Variants in SRI observed in about 807,000 individuals in gnomAD.
The protein encoded by SRI is sorcin.
In SRI, 30 loss-of-function variants were observed where a neutral mutation model predicts 33.3. The observed-to-expected ratio is 0.90, with a 90% confidence interval of 0.67 to 1.22. SRI has a LOEUF of 1.22. Ranked by LOEUF, SRI falls within the 50% of genes most tolerant of loss-of-function variation. The pLI is 0.00. For missense variants in SRI, 243 were observed against 250.8 expected, an observed-to-expected ratio of 0.97 and a Z score of 0.21; for synonymous variants, 75 against 89.9, an observed-to-expected ratio of 0.83 and a Z score of 0.94.
At chr7:88,226,828 CT>C (rs1036055627) in intron 1 of SRI, 84 of 1,469,100 alleles carry the variant, frequency 5.7e-5, no homozygotes, top group Middle Eastern at 5.2e-4. Context: ...AGATTAGGAA[CT>C]TTCTTATTCC....
At chr7:88,226,453 G>A (rs1241854367) in intron 1 of SRI, among the ~76,000 whole-genome samples, 1 of 152,154 alleles carries the variant, frequency 6.6e-6, no homozygotes, top group African/African-American at 2.4e-5. Flanking sequence ...TGTGGAGAGA[G>A]GAGGGGAAGA....
chr7:88,210,232 GTTA>G, intron 4 of SRI, 102 bp from the exon 5 acceptor site: 1 of 1,303,982 alleles, frequency 7.7e-7, no homozygotes, highest in East Asian at 2.3e-5. Context: ...GGCTAAAAAA[GTTA>G]TTGTAGATTA....
rs141563047 is a variant in SRI at position 88,209,205 on chromosome 7, T to C, written c.511+134A>G. On this transcript the variant is annotated intron_variant, in intron 6 of 7. Coordinates refer to ENST00000265729, the MANE Select transcript of SRI (RefSeq NM_003130.4). Reference sequence around the variant, plus strand: ...AAAAAATTATTTTGCCAGATATGCTTAATAGTAATCTGAAAAAAACTACTA... The same window carrying C: ...AAAAAATTATTTTGCCAGATATGCTCAATAGTAATCTGAAAAAAACTACTA... The C allele has an allele frequency of 6.6e-4, 441 of 671,970 alleles. 3 individuals carry two copies. In the African/African-American group the frequency reaches 7.4e-3, roughly 11 times the overall value. 41.6% of individuals were successfully genotyped at this position (671,970 alleles called of 1,614,324 possible).
chr7:88,218,808 A>G (rs373435348), intron 2 of SRI, 51 bp downstream of exon 2: 313 of 1,567,334 alleles, frequency 2.0e-4, no homozygotes, highest in Non-Finnish European at 2.4e-4. Flanking sequence ...ATCAAAAGCT[A>G]CCACAAATGC....
At chr7:88,214,731 GA>G (rs1851665424) in intron 3 of SRI, 1 of 527,902 alleles carries the variant, frequency 1.9e-6, no homozygotes, top group African/African-American at 2.1e-5. Context: ...TCAACATTTT[GA>G]AATTATTTAA....
At position 88,210,013 on chromosome 7, in the gene SRI, G is replaced by C; in HGVS notation, c.367C>G (p.Gln123Glu). 1 of 1,614,138 alleles carries C rather than the reference G, an allele frequency of 6.2e-7. No individual in the cohort carries two copies. Among genetic ancestry groups the C allele is most frequent in the African/African-American group, 1.3e-5 (1 of 75,030 alleles). The change falls in exon 5 of 8, where the codon CAA becomes GAA. Residue 123 changes from glutamine (Q) to glutamate (E), a missense_variant. Transcript: ENST00000265729. The stretch of plus-strand genomic sequence containing the variant: ...GTTGTCAGGGCCTTCTGCAATTCTT[G>C]TGGGTCTACTGTTCCACTCCTGTCA... ...DTDRSGTVDP[Q>E]ELQKALTTMG...
chr7:88,216,576 G>A (rs1851722008), intron 3 of SRI: 1 of 155,800 alleles, frequency 6.4e-6, no homozygotes, highest in Admixed American at 6.4e-5. Flanking sequence ...CACCAGGTCA[G>A]GGCAGAGTAG....
chr7:88,219,329 C>A (rs1188376514), intron 1 of SRI: 2 of 294,026 alleles, frequency 6.8e-6, no homozygotes, highest in Non-Finnish European at 1.3e-5. Context: ...CGATGGAAGG[C>A]TGGAGTTGGT....
chr7:88,209,949 C>T (rs1324988656), intron 5 of SRI, 34 bp downstream of exon 5: 1 of 1,613,684 alleles, frequency 6.2e-7, no homozygotes, highest in Admixed American at 1.7e-5. Context: ...TTACTTCTAC[C>T]AATGAATGGA....
intron 3 of SRI, among the ~76,000 whole-genome samples, chr7:88,212,783 G>A (rs1026178148): frequency 2.0e-5 from 3 of 152,206 alleles, no homozygotes; most frequent in African/African-American, 7.2e-5. Flanking sequence ...AAACCTGTTA[G>A]AGGTGAAATT....
rs1038574723 is a variant in SRI, at chr7:88,218,914, A to G, written c.80T>C (p.Phe27Ser). The G allele has an allele frequency of 3.1e-6, 5 of 1,613,982 alleles. No homozygotes were observed. The Admixed American group carries it at 8.3e-5, about 27-fold the overall frequency. The change falls in exon 2 of 8, where the codon TTT (phenylalanine) becomes TCT (serine). Residue 27 changes from phenylalanine (F) to serine (S), a missense_variant. Physicochemically the swap from Phe to Ser is radical, Grantham distance 155. Transcript: ENST00000265729. ...CAGCGGATCCTGAGTTTGTCCGGGA[A>G]ACGCAGGCCCTCCGGGAGCCCCTCC... ...GYGGAPGGPA[F>S]PGQTQDPLYG...
rs921976280 is a variant in SRI, at chr7:88,206,322, A to C, written c.*156T>G. The C allele has an allele frequency of 1.2e-6, 1 of 869,562 alleles. No homozygotes were observed. The highest frequency in any genetic ancestry group is 1.7e-5 in the African/African-American group (1 of 59,370). The allele number at this position is 869,562 out of a possible 1,614,324, so 53.9% of individuals were successfully genotyped here. A position where few individuals can be genotyped will look rare whatever the true frequency, so the allele number is the denominator to read the frequency against. ...CCAAAGAATTTATTATCAAAACTAA[A>C]ACAAAACTTCAGTTGTACATAAAGT... On this transcript the variant is annotated 3_prime_UTR_variant, in exon 8 of 8. Coordinates refer to ENST00000265729, the MANE Select transcript of SRI (RefSeq NM_003130.4).
At chr7:88,219,194 T>TA (rs36050528) in intron 1 of SRI, 9,262 of 491,452 alleles carry the variant, frequency 0.019, 129 homozygotes, top group South Asian at 0.027. Flanking sequence ...AAGCAACTTT[T>TA]AAAATCCCTA....
At chr7:88,207,130 C>T (rs939001700) in intron 7 of SRI, among the ~76,000 whole-genome samples, 1 of 152,316 alleles carries the variant, frequency 6.6e-6, no homozygotes, top group Middle Eastern at 3.4e-3. Context: ...GTATTGTGCA[C>T]TGCTAACCCT....
At chr7:88,220,045 G>C, upstream of SRI, 1 of 1,523,150 alleles carries the variant, frequency 6.6e-7, no homozygotes, top group African/African-American at 1.4e-5. Context: ...CTGCGCCGCA[G>C]CCGCCCTCGC....
chr7:88,212,353 G>T (rs892631024), intron 3 of SRI, among the ~76,000 whole-genome samples: 12 of 152,186 alleles, frequency 7.9e-5, no homozygotes, highest in Non-Finnish European at 1.6e-4. Flanking sequence ...TACAGTTTGG[G>T]AAAGAGCTGG....
intron 5 of SRI, among the ~76,000 whole-genome samples, chr7:88,209,683 C>T (rs566221607): frequency 4.6e-4 from 70 of 151,452 alleles, no homozygotes; most frequent in African/African-American, 1.5e-3. Context: ...GGTGTGATCT[C>T]GGCTCACAGC....
intron 3 of SRI, among the ~76,000 whole-genome samples, chr7:88,212,409 C>T (rs1272452788): frequency 2.0e-5 from 3 of 152,074 alleles, no homozygotes; most frequent in Non-Finnish European, 2.9e-5. Context: ...GTATGAAGTC[C>T]CTCTAATCTG....
chr7:88,219,952 C>T (rs919035517), intron 1 of SRI, 24 bp downstream of exon 1: 5 of 1,538,322 alleles, frequency 3.3e-6, no homozygotes, highest in Non-Finnish European at 4.4e-6. Context: ...GCCTGGGCCG[C>T]GATCCCGCGC....
Sources: allele counts gnomAD v4.1 joint callset (sites outside exome capture counted in the v4.1 genomes callset), GRCh38; gene constraint gnomAD v4.1.1; transcripts MANE v1.5; gene names NCBI Gene and HGNC (gene_info 2026-07-23, HGNC 2026-07-21).